The following MBD5 variants were observed in gnomAD, a reference collection of about 807,000 sequenced individuals.
MBD5 encodes methyl-CpG-binding domain protein 5.
In MBD5, 13 loss-of-function variants were observed where a neutral mutation model predicts 117.3. That is an observed-to-expected ratio of 0.11 (90% CI 0.07 to 0.18). MBD5 has a LOEUF of 0.18. Ranked by LOEUF, MBD5 falls within the 10% of genes least tolerant of loss-of-function variation. The pLI is 1.00. For missense variants in MBD5, 1,879 were observed against 2,093.8 expected, an observed-to-expected ratio of 0.90 and a Z score of 2.00; for synonymous variants, 727 against 766.4, an observed-to-expected ratio of 0.95 and a Z score of 0.85.
At chr2:148,098,026 G>T (rs532830276) in intron 1 of MBD5, among the ~76,000 whole-genome samples, 15 of 152,302 alleles carry the variant, frequency 9.8e-5, no homozygotes, top group African/African-American at 3.6e-4. Context: ...TAATTCTGAT[G>T]GCAGTGGGAA....
At chr2:148,309,369 C>T (rs1229922123) in intron 3 of MBD5, among the ~76,000 whole-genome samples, 3 of 152,170 alleles carry the variant, frequency 2.0e-5, no homozygotes, top group East Asian at 3.8e-4. Context: ...AGGTCCTTCA[C>T]GTCCCTTGTA....
intron 4 of MBD5, among the ~76,000 whole-genome samples, chr2:148,455,758 G>GAA (rs35160968): frequency 7.5e-6 from 1 of 134,222 alleles, no homozygotes. Context: ...AGAGCAGGCA[G>GAA]AAAAAAAAAA....
intron 3 of MBD5, among the ~76,000 whole-genome samples, chr2:148,236,723 G>T (rs769865151): frequency 3.9e-5 from 6 of 152,158 alleles, no homozygotes; most frequent in Admixed American, 6.5e-5. Flanking sequence ...TGAACCTAAA[G>T]TCACCAACTG....
At chr2:148,344,804 A>T (rs964948360) in intron 4 of MBD5, among the ~76,000 whole-genome samples, 20 of 151,966 alleles carry the variant, frequency 1.3e-4, no homozygotes, top group Non-Finnish European at 4.4e-5. Flanking sequence ...ATTAAAGGTT[A>T]TAACATGAAT....
chr2:148,069,620 C>A (rs1408086398), intron 1 of MBD5, among the ~76,000 whole-genome samples: 3 of 151,914 alleles, frequency 2.0e-5, no homozygotes, highest in Non-Finnish European at 4.4e-5. Flanking sequence ...TTTGTCTATA[C>A]AAGCCGCTGT....
At chr2:148,374,895 C>T (rs1160747263) in intron 4 of MBD5, among the ~76,000 whole-genome samples, 1 of 152,050 alleles carries the variant, frequency 6.6e-6, no homozygotes, top group East Asian at 1.9e-4. Context: ...CCTATGTATG[C>T]TTTTTTCTTA....
At chr2:148,447,360 T>G (rs546074601) in intron 4 of MBD5, among the ~76,000 whole-genome samples, 15 of 152,232 alleles carry the variant, frequency 9.9e-5, no homozygotes, top group African/African-American at 3.6e-4. Context: ...CTTAGGAAAG[T>G]TACCTGTGTG....
At chr2:148,424,394 A>C (rs1705712863) in intron 4 of MBD5, among the ~76,000 whole-genome samples, 1 of 151,790 alleles carries the variant, frequency 6.6e-6, no homozygotes, top group Non-Finnish European at 1.5e-5. Flanking sequence ...CAAGTTCTTA[A>C]GGACCTACAA....
chr2:148,510,043 G>C lies in MBD5; in HGVS notation c.5037-17G>C. On this transcript the variant is annotated splice_polypyrimidine_tract_variant and intron_variant, in intron 12 of 13. Coordinates refer to ENST00000642680, the MANE Select transcript of MBD5 (RefSeq NM_001378120.1). Reference sequence around the variant, plus strand: ...CTTTAATTTTTTAATCTGGTGTGTTGTTTTCATTAATTCCAGAAGTGGAAA... The same window carrying C: ...CTTTAATTTTTTAATCTGGTGTGTTCTTTTCATTAATTCCAGAAGTGGAAA... 3 of 1,582,154 alleles carry C rather than the reference G, an allele frequency of 1.9e-6. No homozygotes were observed. In the East Asian group the frequency reaches 6.7e-5, roughly 35 times the overall value.
chr2:148,136,206 A>G (rs1697168388), intron 1 of MBD5, among the ~76,000 whole-genome samples: 1 of 152,192 alleles, frequency 6.6e-6, no homozygotes, highest in African/African-American at 2.4e-5. Flanking sequence ...TCAGAAAACT[A>G]CAGAATCACG....
At chr2:148,491,966 C>G (rs2105144694) in intron 11 of MBD5, among the ~76,000 whole-genome samples, 1 of 151,610 alleles carries the variant, frequency 6.6e-6, no homozygotes, top group Admixed American at 6.6e-5. Flanking sequence ...AAAAGCTTAA[C>G]TAAAAAAAAA....
Position 148,483,722 on chromosome 2 carries a change from G to C in MBD5, c.3131G>C (p.Ser1044Thr), listed in dbSNP as rs1437013350. The C allele has an allele frequency of 1.9e-6, 3 of 1,550,536 alleles. No individual in the cohort carries two copies. The South Asian group carries it at 3.6e-5, about 18-fold the overall frequency. The change falls in exon 9 of 14, where the codon AGC becomes ACC. Residue 1044 changes from serine (S) to threonine (T), a missense_variant. Ser to Thr is a moderately conservative substitution (Grantham distance 58). Coordinates refer to ENST00000642680, the MANE Select transcript of MBD5 (RefSeq NM_001378120.1). ...DHLPSNQSDN[S>T]RAETLLTSPL... The stretch of plus-strand genomic sequence containing the variant: ...TTGCCAAGCAATCAGTCAGACAACA[G>C]CCGAGCTGAGACCCTTTTAACCAGC...
In MBD5 at chr2:148,294,507, T is replaced by TTTTTTTTGTTTTTTTTTTTTGTTTG. The variant is rs1218239671; in HGVS notation, c.-679-47700_-679-47699insGTTTTTTTTTTTTGTTTGTTTTTTT. ...CCAAAGTGCTGGGATTACAGTTTTTTTTTTTTTTTTTTTTGAGATAGAGCT... is the reference window on the plus strand; with the variant it reads ...CCAAAGTGCTGGGATTACAGTTTTTTTTTTTTTGTTTTTTTTTTTTGTTTGTTTTTTTTTTTTTTGAGATAGAGCT... On this transcript the variant is annotated intron_variant, in intron 3 of 13. Coordinates refer to ENST00000642680, the MANE Select transcript of MBD5 (RefSeq NM_001378120.1). Among the ~76,000 whole-genome samples the TTTTTTTTGTTTTTTTTTTTTGTTTG allele has an allele frequency of 4.8e-3, 595 of 124,206 alleles. 24 individuals carry two copies. The highest frequency in any genetic ancestry group is 0.018 in the African/African-American group (564 of 30,684). The allele number at this position is 124,206 out of a possible 152,430, so 81.5% of individuals were successfully genotyped here. A position where few individuals can be genotyped will look rare whatever the true frequency, so the allele number is the denominator to read the frequency against.
At chr2:148,315,838 C>A (rs1193136708) in intron 3 of MBD5, among the ~76,000 whole-genome samples, 1 of 152,160 alleles carries the variant, frequency 6.6e-6, no homozygotes, top group East Asian at 1.9e-4. Context: ...TCGTGCTAAT[C>A]TTCAAGACTA....
At chr2:148,467,930 A>T (rs1470293114) in intron 7 of MBD5, among the ~76,000 whole-genome samples, 1 of 152,194 alleles carries the variant, frequency 6.6e-6, no homozygotes, top group African/African-American at 2.4e-5. Flanking sequence ...TTGTAACTGC[A>T]TTCTTAAAAA....
chr2:148,175,821 A>G (rs953154839), intron 1 of MBD5, among the ~76,000 whole-genome samples: 1 of 152,226 alleles, frequency 6.6e-6, no homozygotes, highest in Admixed American at 6.5e-5. Flanking sequence ...TTTTAAGAAC[A>G]TAAGCACTTC....
At chr2:148,419,888 A>T (rs541432451) in intron 4 of MBD5, among the ~76,000 whole-genome samples, 1 of 152,230 alleles carries the variant, frequency 6.6e-6, no homozygotes, top group South Asian at 2.1e-4. Context: ...GATCAGTCTA[A>T]TTCCAGATAA....
rs35925701 is a variant in MBD5, at chr2:148,060,132, CAAAAAAAAAAAA to C, written c.-925+38467_-925+38478del. 7.8e-4 allele frequency among the ~76,000 whole-genome samples: 11 copies of C among 14,046 alleles called. No homozygotes were observed. The East Asian group carries it at 0.018, about 24-fold the overall frequency. 9.2% of individuals were successfully genotyped at this position (14,046 alleles called of 152,430 possible). A position where few individuals can be genotyped will look rare whatever the true frequency, so the allele number is the denominator to read the frequency against. ...TGAAACCCTGTCTCTACAAAAAGTG[CAAAAAAAAAAAA>C]AAAAAAAAAAAAAAAAAAGCCAGGC... On this transcript the variant is annotated intron_variant, in intron 1 of 13. Coordinates refer to ENST00000642680, the MANE Select transcript of MBD5 (RefSeq NM_001378120.1).
intron 2 of MBD5, among the ~76,000 whole-genome samples, chr2:148,200,620 G>GCT (rs934448746): frequency 1.6e-4 from 25 of 151,522 alleles, no homozygotes; most frequent in African/African-American, 4.4e-4. Context: ...GTGAGCCTAG[G>GCT]AGGCAGAGCT....
Sources: allele counts gnomAD v4.1 joint callset (sites outside exome capture counted in the v4.1 genomes callset), GRCh38; gene constraint gnomAD v4.1.1; transcripts MANE v1.5; gene names NCBI Gene and HGNC (gene_info 2026-07-23, HGNC 2026-07-21).